Variants in BMP7 observed in about 807,000 individuals in gnomAD.
BMP7 encodes osteogenic protein 1.
Under a neutral mutation model 41.2 loss-of-function variants are expected in BMP7, and 12 were observed. The observed-to-expected ratio is 0.29, with a 90% confidence interval of 0.19 to 0.47. BMP7 has a LOEUF of 0.47. BMP7 is among the 20% of genes least tolerant of loss of function. The pLI is 0.99. For synonymous variants in BMP7, 248 were observed against 250.0 expected (o/e 0.99, Z 0.07); for missense variants, 467 against 606.0 (o/e 0.77, Z 2.41).
rs2146035830 is a variant in BMP7 at position 57,265,711 on chromosome 20, T to G, written c.412A>C (p.Asn138His). ...TDADMVMSFVNLVEHDKEFFH... is the reference protein window; with the variant it reads ...TDADMVMSFVHLVEHDKEFFH... The stretch of plus-strand genomic sequence containing the variant: ...CTCGCCTGCCCTTACTCACCGAGGT[T>G]GACGAAGCTCATGACCATGTCGGCG... Residue 138 changes from asparagine to histidine, a missense_variant, in exon 1 of 7, where the codon AAC (asparagine) becomes CAC (histidine). Transcript: ENST00000395863. 1 of 1,604,710 alleles carries G rather than the reference T, an allele frequency of 6.2e-7. No homozygotes were observed. The highest frequency in any genetic ancestry group is 8.5e-7 in the Non-Finnish European group (1 of 1,175,638).
At chr20:57,209,247 T>TATATA (rs1984815814) in intron 2 of BMP7, among the ~76,000 whole-genome samples, 1 of 69,876 alleles carries the variant, frequency 1.4e-5, no homozygotes, top group Non-Finnish European at 2.8e-5. Context: ...ATTTATATAT[T>TATATA]TTTATATATA....
intron 4 of BMP7, among the ~76,000 whole-genome samples, chr20:57,175,318 G>A (rs1983898862): frequency 6.6e-6 from 1 of 152,166 alleles, no homozygotes; most frequent in African/African-American, 2.4e-5. Flanking sequence ...TTTAAATGCT[G>A]ACATCTGCCT....
intron 1 of BMP7, among the ~76,000 whole-genome samples, chr20:57,239,228 T>C (rs2066059936): frequency 6.6e-6 from 1 of 152,188 alleles, no homozygotes. Flanking sequence ...AATACGGCCA[T>C]TCCAAATGGG....
chr20:57,265,888 C>A lies in BMP7; in HGVS notation c.235G>T (p.Ala79Ser), dbSNP rs753750823. The change falls in exon 1 of 7, where the codon GCA becomes TCA. Residue 79 changes from alanine to serine, a missense_variant. This residue lies in a region of BMP7 where 407 missense variants were observed against 485.9 expected (regional missense o/e 0.84). Transcript: ENST00000395863. ...TACAGGTCCAGCATGAACATGGGTG[C>A]CGAGTTGTGCTTGCCCTGGAGGTGC... ...RPHLQGKHNS[A>S]PMFMLDLYNA... 1 of 1,599,766 alleles carries A rather than the reference C, an allele frequency of 6.3e-7. No homozygotes were observed. Among genetic ancestry groups the A allele is most frequent in the Admixed American group, 1.7e-5 (1 of 57,950 alleles).
chr20:57,176,693 C>A (rs6025424), intron 4 of BMP7, among the ~76,000 whole-genome samples: 146,629 of 151,398 alleles, frequency 0.97, 71,172 homozygotes, highest in East Asian at 1. Flanking sequence ...TTCATATTTT[C>A]TTCTTCTTCT....
At chr20:57,217,045 G>T (rs1985048677) in intron 2 of BMP7, among the ~76,000 whole-genome samples, 1 of 152,180 alleles carries the variant, frequency 6.6e-6, no homozygotes, top group South Asian at 2.1e-4. Flanking sequence ...CCCGCATGTG[G>T]AACACCCAAG....
intron 1 of BMP7, among the ~76,000 whole-genome samples, chr20:57,237,002 C>T (rs7273197): frequency 0.25 from 38,743 of 152,106 alleles, 5,619 homozygotes; most frequent in South Asian, 0.37. Flanking sequence ...GACTATGCGG[C>T]CCTCTCACTG....
chr20:57,259,683 T>C lies in BMP7; in HGVS notation c.418+6022A>G, dbSNP rs567697548. ...CCCACAATGCCTTCCGACACAAATG[T>C]TGAAAAGGCGGTATTGCACATGCTT... On this transcript the variant is annotated intron_variant, in intron 1 of 6. Transcript: ENST00000395863. This position sits in a 1 kb window ranked among gnomAD's most constrained non-coding sequence, Gnocchi z 4.7. Among the ~76,000 whole-genome samples the C allele has an allele frequency of 1.3e-5, 2 of 152,306 alleles. No homozygotes were observed. The highest frequency in any genetic ancestry group is 4.2e-4 in the South Asian group (2 of 4,816).
chr20:57,212,687 G>A lies in BMP7; in HGVS notation c.612-10064C>T, dbSNP rs1490904935. On this transcript the variant is annotated intron_variant, in intron 2 of 6. Coordinates refer to ENST00000395863, the MANE Select transcript of BMP7 (RefSeq NM_001719.3). ...GGAGGGAGCACAGGCTTGCGGCTGC[G>A]GTGAGTCAGGCCGGGAAACTGCAAC... Among the ~76,000 whole-genome samples the A allele has an allele frequency of 3.3e-5, 5 of 152,368 alleles. No individual in the cohort carries two copies. In the East Asian group the frequency reaches 7.7e-4, roughly 23 times the overall value.
At position 57,266,374 on chromosome 20, in the gene BMP7, G is replaced by A. The variant is rs998091510; in HGVS notation, c.-252C>T. ...CCGCAGGGCTTGGAAAGCAGCCCCG[G>A]CGAACGAAAAGGCGAGTGAGGAGGC... is the stretch of plus-strand genomic sequence containing the variant. On this transcript the variant is annotated 5_prime_UTR_variant, in exon 1 of 7. Coordinates refer to ENST00000395863, the MANE Select transcript of BMP7 (RefSeq NM_001719.3). 1.7e-4 allele frequency: 42 copies of A among 242,832 alleles called. No homozygotes were observed. Among genetic ancestry groups the A allele is most frequent in the African/African-American group, 7.8e-4 (34 of 43,752 alleles). The allele number at this position is 242,832 out of a possible 1,614,324, so 15.0% of individuals were successfully genotyped here.
intron 2 of BMP7, among the ~76,000 whole-genome samples, chr20:57,225,226 C>T (rs79185506): frequency 0.029 from 4,394 of 152,174 alleles, 222 homozygotes; most frequent in African/African-American, 0.1. Flanking sequence ...TCTGAACAGG[C>T]GAGCTGGAGG....
At chr20:57,202,711 G>GT in intron 2 of BMP7, 88 bp from the exon 3 acceptor site, 2 of 1,181,170 alleles carry the variant, frequency 1.7e-6, no homozygotes, top group East Asian at 3.0e-5. Context: ...GCCTCATGGG[G>GT]TGGGAGGGGA....
chr20:57,193,824 C>T (rs772572269), intron 3 of BMP7, among the ~76,000 whole-genome samples: 2 of 152,174 alleles, frequency 1.3e-5, no homozygotes, highest in African/African-American at 4.8e-5. Flanking sequence ...ACGCTGTAGG[C>T]GCCCTCTGTT....
chr20:57,193,987 G>T (rs971614555), intron 3 of BMP7, among the ~76,000 whole-genome samples: 1 of 152,284 alleles, frequency 6.6e-6, no homozygotes, highest in African/African-American at 2.4e-5. Flanking sequence ...GCCATGCCCA[G>T]CCCCCTCGTG....
At chr20:57,235,879 G>A (rs766771643) in intron 1 of BMP7, among the ~76,000 whole-genome samples, 1 of 152,190 alleles carries the variant, frequency 6.6e-6, no homozygotes, top group Non-Finnish European at 1.5e-5. Flanking sequence ...ATTTTAGATA[G>A]AGGACTGGTG....
intron 2 of BMP7, among the ~76,000 whole-genome samples, chr20:57,207,498 T>C (rs907802551): frequency 6.6e-6 from 1 of 152,144 alleles, no homozygotes; most frequent in Non-Finnish European, 1.5e-5. Flanking sequence ...CAGAGACAGA[T>C]AACCCAAACA....
rs767615840 is a variant in BMP7 at position 57,202,475 on chromosome 20, C to A, written c.760G>T (p.Gly254Trp). The change falls in exon 3 of 7, where the codon GGG (glycine) becomes TGG (tryptophan). Residue 254 changes from glycine to tryptophan, a missense_variant and splice_region_variant. Physicochemically the swap from Gly to Trp is radical, Grantham distance 184. Transcript: ENST00000395863. ...GLQLSVETLD[G>W]QSINPKLAGL... Reference sequence around the variant, plus strand: ...GACTGGCAGTGGCCGGGGGACTCACCATCCAGCGTCTCCACCGAGAGCTGC... The same window carrying A: ...GACTGGCAGTGGCCGGGGGACTCACAATCCAGCGTCTCCACCGAGAGCTGC... 1.9e-6 allele frequency: 3 copies of A among 1,591,882 alleles called. No individual in the cohort carries two copies. The highest frequency in any genetic ancestry group is 2.6e-6 in the Non-Finnish European group (3 of 1,174,856).
At chr20:57,262,632 C>A (rs1306852648) in intron 1 of BMP7, among the ~76,000 whole-genome samples, 1 of 152,180 alleles carries the variant, frequency 6.6e-6, no homozygotes, top group African/African-American at 2.4e-5. Context: ...AGGGTCCCCC[C>A]TCCCGCGCAC....
intron 5 of BMP7, chr20:57,173,639 A>T (rs979155146): frequency 2.6e-6 from 1 of 382,354 alleles, no homozygotes; most frequent in Non-Finnish European, 4.7e-6. Context: ...CCCCATTTCT[A>T]AAAAAACATA....
Sources: allele counts gnomAD v4.1 joint callset (sites outside exome capture counted in the v4.1 genomes callset), GRCh38; gene constraint gnomAD v4.1.1; regional missense constraint gnomAD v4.1.1; non-coding constraint Gnocchi (gnomAD v3.1); transcripts MANE v1.5; gene names NCBI Gene and HGNC (gene_info 2026-07-23, HGNC 2026-07-21).